The following ATRNL1 variants were observed in gnomAD, a reference collection of about 807,000 sequenced individuals.
The protein encoded by ATRNL1 is attractin-like protein 1.
In ATRNL1, 95 loss-of-function variants were observed where a neutral mutation model predicts 182.7. That is an observed-to-expected ratio of 0.52 (90% confidence interval 0.44 to 0.62). The LOEUF is 0.62. Among genes scored for constraint, ATRNL1 ranks in the 20% least tolerant of loss-of-function variants. The pLI is 0.00. For missense variants in ATRNL1, 1,471 were observed against 1,679.5 expected (o/e 0.88, Z 2.17); for synonymous variants, 576 against 568.3 (o/e 1.01, Z -0.19).
intron 27 of ATRNL1, 79 bp downstream of exon 27, chr10:115,727,434 T>C: frequency 1.8e-6 from 2 of 1,095,722 alleles, no homozygotes; most frequent in Non-Finnish European, 1.4e-6. Flanking sequence ...CATCTGCTTA[T>C]GAAGCCAAAC....
chr10:115,858,750 A>C (rs1951243944), intron 28 of ATRNL1, among the ~76,000 whole-genome samples: 1 of 152,132 alleles, frequency 6.6e-6, no homozygotes, highest in Non-Finnish European at 1.5e-5. Context: ...TTTTTATGAT[A>C]GCTGACACCA....
rs561395219 is a variant in ATRNL1, at chr10:115,405,408, A to G, written c.3269+10656A>G. ...AGCTCCAGTGTAGTGGCTATGTTGT[A>G]TAGTTTAGCACTTCTGGTTTTATGG... On this transcript the variant is annotated intron_variant, in intron 20 of 28. Transcript: ENST00000355044. Among the ~76,000 whole-genome samples, 97 of 152,328 alleles carry G rather than the reference A, an allele frequency of 6.4e-4. No individual in the cohort carries two copies. In the South Asian group the frequency reaches 0.018, roughly 28 times the overall value.
chr10:115,935,098 C>T (rs1485939243), intron 28 of ATRNL1, among the ~76,000 whole-genome samples: 2 of 152,152 alleles, frequency 1.3e-5, no homozygotes, highest in Non-Finnish European at 2.9e-5. Context: ...TTCTTTTCCT[C>T]ATGGCTTCTG....
At chr10:115,652,234 A>T (rs1366060994) in intron 26 of ATRNL1, among the ~76,000 whole-genome samples, 1 of 149,438 alleles carries the variant, frequency 6.7e-6, no homozygotes, top group African/African-American at 2.5e-5. Context: ...TGTTGTTGTT[A>T]TTTTTTTTTT....
rs183400607 is a variant in ATRNL1 at position 115,107,431 on chromosome 10, G to A, written c.294-12754G>A. ...ATAATCTTTTTTGACTTTATGTTTCGCCTTCTGAGCATACTTGGATGAGGA... is the reference window on the plus strand; with the variant it reads ...ATAATCTTTTTTGACTTTATGTTTCACCTTCTGAGCATACTTGGATGAGGA... On this transcript the variant is annotated intron_variant, in intron 1 of 28. Transcript: ENST00000355044. Among the ~76,000 whole-genome samples the A allele has an allele frequency of 1.4e-4, 22 of 152,258 alleles. No homozygotes were observed. The East Asian group carries it at 3.1e-3, about 21-fold the overall frequency.
In ATRNL1 at chr10:115,171,092, A is replaced by G. The variant is rs782272274; in HGVS notation, c.1148A>G (p.Asp383Gly). The G allele has an allele frequency of 4.4e-6, 7 of 1,591,748 alleles. No individual in the cohort carries two copies. The highest frequency in any genetic ancestry group is 6.0e-6 in the Non-Finnish European group (7 of 1,167,062). ...GAAACAAATGATGGCAATGTCACAG[A>G]TGAATTATGGGTTTTTAACATACAT... is the stretch of plus-strand genomic sequence containing the variant. ...RIETNDGNVT[D>G]ELWVFNIHSQ... Residue 383 changes from aspartate (D) to glycine (G), a missense_variant, in exon 8 of 29, where the codon GAT becomes GGT. Asp to Gly is a moderately conservative substitution (Grantham distance 94). Coordinates refer to ENST00000355044, the MANE Select transcript of ATRNL1 (RefSeq NM_207303.4).
At chr10:115,637,944 G>GA (rs1443635831) in intron 26 of ATRNL1, among the ~76,000 whole-genome samples, 1 of 152,014 alleles carries the variant, frequency 6.6e-6, no homozygotes, top group African/African-American at 2.4e-5. Flanking sequence ...ATTAAAGACA[G>GA]AAAAATATGT....
intron 21 of ATRNL1, among the ~76,000 whole-genome samples, chr10:115,460,498 A>G (rs925368815): frequency 6.6e-6 from 1 of 152,088 alleles, no homozygotes; most frequent in African/African-American, 2.4e-5. Context: ...CCTTCAAAAT[A>G]CATTCCCTGT....
intron 24 of ATRNL1, among the ~76,000 whole-genome samples, chr10:115,505,116 C>G (rs1025425196): frequency 2.6e-5 from 4 of 151,910 alleles, no homozygotes; most frequent in African/African-American, 9.7e-5. Context: ...AGATGGATGC[C>G]AAATTAAACA....
intron 19 of ATRNL1, among the ~76,000 whole-genome samples, chr10:115,376,478 G>A (rs886346354): frequency 4.0e-5 from 6 of 151,786 alleles, no homozygotes; most frequent in Non-Finnish European, 8.8e-5. Context: ...TTGAAGATAT[G>A]GGGTCTGGTA....
intron 8 of ATRNL1, among the ~76,000 whole-genome samples, chr10:115,171,790 T>C (rs1476597512): frequency 6.6e-6 from 1 of 152,070 alleles, no homozygotes; most frequent in African/African-American, 2.4e-5. Context: ...AAGGTGAAGG[T>C]GTCTAGGGCA....
chr10:115,373,844 CT>C (rs1218580476), intron 19 of ATRNL1, among the ~76,000 whole-genome samples: 1 of 151,260 alleles, frequency 6.6e-6, no homozygotes, highest in Non-Finnish European at 1.5e-5. Context: ...TCTTAGTGTT[CT>C]TTTCTGGCTT....
chr10:115,587,300 C>T (rs1855586038), intron 26 of ATRNL1, among the ~76,000 whole-genome samples: 1 of 152,196 alleles, frequency 6.6e-6, no homozygotes, highest in Non-Finnish European at 1.5e-5. Flanking sequence ...GTTGGAGCTC[C>T]CTGGCTGCTT....
chr10:115,913,965 T>C (rs1555116573), intron 28 of ATRNL1, among the ~76,000 whole-genome samples: 7 of 152,190 alleles, frequency 4.6e-5, no homozygotes, highest in African/African-American at 1.7e-4. Flanking sequence ...AAATTTCATC[T>C]TGAATTGTAA....
chr10:115,403,464 T>G (rs1480866193), intron 20 of ATRNL1, among the ~76,000 whole-genome samples: 2 of 152,100 alleles, frequency 1.3e-5, no homozygotes, highest in Non-Finnish European at 2.9e-5. Context: ...ACTTTTTTTT[T>G]GTTTGTTTTG....
intron 27 of ATRNL1, among the ~76,000 whole-genome samples, chr10:115,783,093 T>A (rs1452219286): frequency 6.6e-6 from 1 of 152,178 alleles, no homozygotes; most frequent in Non-Finnish European, 1.5e-5. Flanking sequence ...AAGCAGACAA[T>A]GTATATAATT....
At chr10:115,305,944 T>C (rs1228755438) in intron 17 of ATRNL1, among the ~76,000 whole-genome samples, 3 of 152,176 alleles carry the variant, frequency 2.0e-5, no homozygotes, top group African/African-American at 7.2e-5. Context: ...CTTATATTTT[T>C]CTTTATGTAA....
chr10:115,898,476 C>T (rs1157358411), intron 28 of ATRNL1, among the ~76,000 whole-genome samples: 1 of 152,112 alleles, frequency 6.6e-6, no homozygotes, highest in African/African-American at 2.4e-5. Flanking sequence ...ACCCCATGCT[C>T]TACTGTGTGC....
At chr10:115,743,509 T>A (rs1370051682) in intron 27 of ATRNL1, among the ~76,000 whole-genome samples, 11 of 151,872 alleles carry the variant, frequency 7.2e-5, no homozygotes, top group African/African-American at 2.7e-4. Flanking sequence ...TATCTTAAGG[T>A]GATAAAAAGG....
Sources: allele counts gnomAD v4.1 joint callset (sites outside exome capture counted in the v4.1 genomes callset), GRCh38; gene constraint gnomAD v4.1.1; transcripts MANE v1.5; gene names NCBI Gene and HGNC (gene_info 2026-07-23, HGNC 2026-07-21).